The following CNGB1 variants were observed in gnomAD, a reference collection of about 807,000 sequenced individuals.
CNGB1 encodes the protein cyclic nucleotide gated channel subunit beta 1.
CNGB1 carries 126 observed loss-of-function variants against 151.7 expected under a neutral mutation model. That is an observed-to-expected ratio of 0.83 (90% CI 0.72 to 0.96). CNGB1 has a LOEUF of 0.96. CNGB1 is among the 40% of genes least tolerant of loss of function. The pLI, the probability that CNGB1 is intolerant of heterozygous loss-of-function variation, is 0.00. For synonymous variants in CNGB1, 623 were observed against 635.1 expected (o/e 0.98, Z 0.29); for missense variants, 1,698 against 1,627.0 (o/e 1.04, Z -0.75).
At chr16:57,955,466 T>C in intron 12 of CNGB1, 2 of 1,029,578 alleles carry the variant, frequency 1.9e-6, no homozygotes, top group Non-Finnish European at 2.9e-6. Flanking sequence ...ATGGGGAAGG[T>C]AAGGGACACA....
rs1960457552 is a variant in CNGB1, at chr16:57,903,855, A to G, written c.2761T>C (p.Tyr921His). ...KSVQNRVKTW[Y>H]EYTWHSQGML... ...CCTTGCGAGTGCCAGGTGTACTCGTACCAGGTCTTGACGCGGTTCTGCACG... is the reference window on the plus strand; with the variant it reads ...CCTTGCGAGTGCCAGGTGTACTCGTGCCAGGTCTTGACGCGGTTCTGCACG... Residue 921 changes from tyrosine to histidine, a missense_variant, in exon 27 of 33, where the codon TAC becomes CAC. Tyr to His is a moderately conservative substitution (Grantham distance 83). Transcript: ENST00000251102. 6.2e-7 allele frequency: 1 copy of G among 1,614,046 alleles called. No homozygotes were observed. The highest frequency in any genetic ancestry group is 1.3e-5 in the African/African-American group (1 of 74,932).
rs756177770 is a variant in CNGB1, at chr16:57,964,170, A to G, written c.250T>C (p.Ser84Pro). The change falls in exon 4 of 33, where the codon TCC becomes CCC. Residue 84 changes from serine to proline, a missense_variant. Coordinates refer to ENST00000251102, the MANE Select transcript of CNGB1 (RefSeq NM_001297.5). ...ATCTCAGCGCCCTGGGCCCGGAGGG[A>G]TATGGTGGAAGTAAGGGCAGCCTCC... ...TKEAALTSTI[S>P]LRAQGAEISE... is the part of the protein sequence containing the mutation. 1 of 1,614,052 alleles carries G rather than the reference A, an allele frequency of 6.2e-7. No individual in the cohort carries two copies. The highest frequency in any genetic ancestry group is 8.5e-7 in the Non-Finnish European group (1 of 1,179,990).
At chr16:57,895,257 C>G (rs1369397560) in intron 31 of CNGB1, among the ~76,000 whole-genome samples, 5 of 152,140 alleles carry the variant, frequency 3.3e-5, no homozygotes, top group African/African-American at 1.2e-4. Flanking sequence ...ACCAGTCTAG[C>G]CAACATGGTG....
intron 24 of CNGB1, 143 bp downstream of exon 24, chr16:57,912,787 G>A (rs764912167): frequency 1.2e-4 from 98 of 801,810 alleles, no homozygotes; most frequent in Non-Finnish European, 1.8e-4. Flanking sequence ...GTGTGTGCAT[G>A]TATGTGTGTA....
At chr16:57,913,436 ACTTTT>A (rs1463830113) in intron 23 of CNGB1, among the ~76,000 whole-genome samples, 2 of 152,200 alleles carry the variant, frequency 1.3e-5, no homozygotes, top group Admixed American at 1.3e-4. Context: ...ATTAATAACT[ACTTTT>A]CTTTATTGAG....
chr16:57,906,541 G>T (rs1367752399), intron 25 of CNGB1, among the ~76,000 whole-genome samples: 1 of 152,128 alleles, frequency 6.6e-6, no homozygotes, highest in African/African-American at 2.4e-5. Context: ...GCTGTGGGCC[G>T]CCCTGCACCT....
chr16:57,896,713 A>AAAATAAATAAAT (rs3038249), intron 31 of CNGB1, among the ~76,000 whole-genome samples: 39 of 137,040 alleles, frequency 2.8e-4, no homozygotes, highest in Admixed American at 3.7e-4. Flanking sequence ...ACTCTGTCTC[A>AAAATAAATAAAT]AAATAAATAA....
At chr16:57,966,387 C>G (rs192339387) in intron 2 of CNGB1, among the ~76,000 whole-genome samples, 4 of 152,164 alleles carry the variant, frequency 2.6e-5, no homozygotes, top group Non-Finnish European at 4.4e-5. Flanking sequence ...TCAAATGTGT[C>G]GAATTGAGCT....
intron 31 of CNGB1, among the ~76,000 whole-genome samples, chr16:57,896,241 T>C (rs1960221285): frequency 6.6e-6 from 1 of 152,172 alleles, no homozygotes; most frequent in Non-Finnish European, 1.5e-5. Context: ...ACAGAAACCT[T>C]AACCAAGTAA....
chr16:57,919,585 CT>C (rs781088633), intron 19 of CNGB1, among the ~76,000 whole-genome samples: 2 of 152,178 alleles, frequency 1.3e-5, no homozygotes, highest in African/African-American at 2.4e-5. Flanking sequence ...CTTAGACCCC[CT>C]TTGTTCCCTC....
chr16:57,911,495 G>T (rs879933479), intron 25 of CNGB1, among the ~76,000 whole-genome samples: 2 of 152,166 alleles, frequency 1.3e-5, no homozygotes, highest in Admixed American at 6.5e-5. Flanking sequence ...TACCATGTTG[G>T]CCAGGCTGGT....
At chr16:57,917,022 T>C (rs1218162614) in intron 21 of CNGB1, among the ~76,000 whole-genome samples, 2 of 152,190 alleles carry the variant, frequency 1.3e-5, no homozygotes, top group Non-Finnish European at 2.9e-5. Context: ...CACTTCTCTA[T>C]CTTTGATTCT....
chr16:57,890,474 A>G (rs1442724032), intron 31 of CNGB1, among the ~76,000 whole-genome samples: 2 of 152,236 alleles, frequency 1.3e-5, no homozygotes, highest in African/African-American at 4.8e-5. Context: ...ATAACTATGT[A>G]TAGGACCTTT....
chr16:57,921,737 T>C (rs1961041769), intron 18 of CNGB1, among the ~76,000 whole-genome samples: 1 of 152,166 alleles, frequency 6.6e-6, no homozygotes, highest in African/African-American at 2.4e-5. Context: ...GTTCTCCCTT[T>C]CTAGTGGTGA....
chr16:57,952,418 CTTCCT>C (rs760181462), intron 12 of CNGB1, among the ~76,000 whole-genome samples: 1 of 146,516 alleles, frequency 6.8e-6, no homozygotes, highest in African/African-American at 2.5e-5. Flanking sequence ...TGCTTCCACA[CTTCCT>C]TTCCTTTCCT....
chr16:57,897,317 A>G lies in CNGB1; in HGVS notation c.3242+80T>C, dbSNP rs77308801. On this transcript the variant is annotated intron_variant, in intron 31 of 32. Coordinates refer to ENST00000251102, the MANE Select transcript of CNGB1 (RefSeq NM_001297.5). ...ATGTCATCTCAAAAAAAAAAAAAAAAAGATAAAGGTACTGTGGTTATGTAA... is the reference window on the plus strand; with the variant it reads ...ATGTCATCTCAAAAAAAAAAAAAAAGAGATAAAGGTACTGTGGTTATGTAA... 11 of 1,469,354 alleles carry G rather than the reference A, an allele frequency of 7.5e-6. No individual in the cohort carries two copies. The African/African-American group carries it at 1.3e-4, about 17-fold the overall frequency. 91.0% of individuals were successfully genotyped at this position (1,469,354 alleles called of 1,614,324 possible). A position where few individuals can be genotyped will look rare whatever the true frequency, so the allele number is the denominator to read the frequency against.
intron 32 of CNGB1, among the ~76,000 whole-genome samples, chr16:57,885,617 G>A (rs1281130074): frequency 4.3e-5 from 5 of 115,512 alleles, no homozygotes; most frequent in African/African-American, 1.7e-4. Context: ...TTTCTTAGAC[G>A]GAGTCTTGCT....
At chr16:57,941,150 G>A (rs1961657650) in intron 14 of CNGB1, among the ~76,000 whole-genome samples, 1 of 152,194 alleles carries the variant, frequency 6.6e-6, no homozygotes, top group African/African-American at 2.4e-5. Context: ...GTAGCCAAAA[G>A]AGCCCATCTC....
At chr16:57,932,956 C>G (rs1961399355) in intron 16 of CNGB1, among the ~76,000 whole-genome samples, 1 of 152,000 alleles carries the variant, frequency 6.6e-6, no homozygotes, top group Non-Finnish European at 1.5e-5. Flanking sequence ...ACTCTGTCAC[C>G]CAGGCTGGAG....
Sources: allele counts gnomAD v4.1 joint callset (sites outside exome capture counted in the v4.1 genomes callset), GRCh38; gene constraint gnomAD v4.1.1; transcripts MANE v1.5; gene names NCBI Gene and HGNC (gene_info 2026-07-23, HGNC 2026-07-21).